The following AKAP6 variants were observed in gnomAD, a reference collection of about 807,000 sequenced individuals.
AKAP6 encodes A-kinase anchoring protein 6.
Under a neutral mutation model 188.5 loss-of-function variants are expected in AKAP6, and 58 were observed. The ratio of observed to expected loss-of-function variants is 0.31; its 90% confidence interval spans 0.25 to 0.38. AKAP6 has a LOEUF of 0.38. Ranked by LOEUF, AKAP6 falls within the 10% of genes least tolerant of loss-of-function variation. AKAP6 has a pLI of 1.00. For missense variants in AKAP6, 2,710 were observed against 2,740.0 expected, an observed-to-expected ratio of 0.99 and a Z score of 0.24; for synonymous variants, 989 against 998.6, an observed-to-expected ratio of 0.99 and a Z score of 0.18.
intron 1 of AKAP6, chr14:32,385,051 A>T (rs1359960823): frequency 1.3e-5 from 2 of 151,848 alleles, no homozygotes; most frequent in African/African-American, 4.8e-5. Flanking sequence ...AAAGCTCTAG[A>T]CTACTTTTTT....
rs1191398545 is a variant in AKAP6 at position 32,801,952 on chromosome 14, C to G, written c.3589-19450C>G. The stretch of plus-strand genomic sequence containing the variant: ...TTTTCTCTTTGTCTTTCATTTTCTA[C>G]AATTTGTGTATGATTTGCCTAAGCA... On this transcript the variant is annotated intron_variant, in intron 12 of 13. Transcript: ENST00000280979. Among the ~76,000 whole-genome samples, 3 of 152,096 alleles carry G rather than the reference C, an allele frequency of 2.0e-5. No individual in the cohort carries two copies. The East Asian group carries it at 5.8e-4, about 29-fold the overall frequency.
At chr14:32,598,557 A>G (rs745344311) in intron 5 of AKAP6, among the ~76,000 whole-genome samples, 5 of 152,188 alleles carry the variant, frequency 3.3e-5, no homozygotes, top group Middle Eastern at 3.2e-3. Flanking sequence ...TGTATGTGAC[A>G]TGAATTGGAG....
chr14:32,403,744 A>G (rs1056100546), intron 1 of AKAP6, among the ~76,000 whole-genome samples: 5 of 152,308 alleles, frequency 3.3e-5, no homozygotes, highest in African/African-American at 1.2e-4. Context: ...TTAACAGTAA[A>G]CATAATGTAA....
intron 2 of AKAP6, among the ~76,000 whole-genome samples, chr14:32,465,309 G>C (rs745776375): frequency 6.6e-6 from 1 of 152,084 alleles, no homozygotes; most frequent in Non-Finnish European, 1.5e-5. Context: ...GAACAAAGCT[G>C]TAGGCATGAT....
chr14:32,616,627 T>C (rs1180786396), intron 7 of AKAP6, among the ~76,000 whole-genome samples: 7 of 151,994 alleles, frequency 4.6e-5, no homozygotes, highest in Admixed American at 1.3e-4. Flanking sequence ...GGGAAAGCAT[T>C]AGGAAAAATA....
intron 1 of AKAP6, among the ~76,000 whole-genome samples, chr14:32,352,292 A>G (rs1370364477): frequency 1.3e-5 from 2 of 151,790 alleles, no homozygotes; most frequent in African/African-American, 4.8e-5. Flanking sequence ...TAATTGATAC[A>G]ATAATTATAC....
chr14:32,549,672 T>A (rs967225602), intron 4 of AKAP6, among the ~76,000 whole-genome samples: 4 of 152,228 alleles, frequency 2.6e-5, no homozygotes, highest in Non-Finnish European at 4.4e-5. Context: ...GGCTCTGTAC[T>A]AAGTATTTTA....
intron 1 of AKAP6, among the ~76,000 whole-genome samples, chr14:32,331,899 AT>A (rs1886545830): frequency 6.6e-6 from 1 of 152,144 alleles, no homozygotes. Context: ...TCACAAATAC[AT>A]TACAAAGTTA....
intron 5 of AKAP6, among the ~76,000 whole-genome samples, chr14:32,598,318 T>A (rs1885787597): frequency 6.6e-6 from 1 of 152,152 alleles, no homozygotes; most frequent in African/African-American, 2.4e-5. Context: ...CACACAGTAT[T>A]TCAAAATCCA....
intron 12 of AKAP6, among the ~76,000 whole-genome samples, chr14:32,782,836 A>G (rs933113431): frequency 6.6e-6 from 1 of 152,102 alleles, no homozygotes; most frequent in Non-Finnish European, 1.5e-5. Context: ...CCCCAAATTT[A>G]TCTATAGAAT....
In AKAP6 at chr14:32,540,964, A is replaced by G. The variant is rs1348237112; in HGVS notation, c.577-4266A>G. Among the ~76,000 whole-genome samples the G allele has an allele frequency of 3.3e-5, 5 of 152,074 alleles. No homozygotes were observed. The South Asian group carries it at 1.0e-3, about 32-fold the overall frequency. Reference sequence around the variant, plus strand: ...AAAGACTACAAATAGGGTGCAGTTTATACTGCTTGGGTGATGAGTGCACCA... The same window carrying G: ...AAAGACTACAAATAGGGTGCAGTTTGTACTGCTTGGGTGATGAGTGCACCA... On this transcript the variant is annotated intron_variant, in intron 3 of 13. Transcript: ENST00000280979.
chr14:32,757,072 C>T (rs1397808637), intron 11 of AKAP6, among the ~76,000 whole-genome samples: 1 of 152,146 alleles, frequency 6.6e-6, no homozygotes, highest in Non-Finnish European at 1.5e-5. Flanking sequence ...ATTCTCCTTG[C>T]CTCAAATGGT....
chr14:32,755,311 A>C (rs971865786), intron 11 of AKAP6, among the ~76,000 whole-genome samples: 2 of 150,652 alleles, frequency 1.3e-5, no homozygotes, highest in African/African-American at 4.9e-5. Context: ...TTTTTGGTTC[A>C]GTCATTATGT....
intron 2 of AKAP6, among the ~76,000 whole-genome samples, chr14:32,468,900 T>A (rs1878610884): frequency 6.6e-6 from 1 of 152,094 alleles, no homozygotes; most frequent in South Asian, 2.1e-4. Context: ...AGCATCTGTT[T>A]TAAGTGATTA....
intron 9 of AKAP6, among the ~76,000 whole-genome samples, chr14:32,698,027 G>C (rs2139703265): frequency 6.6e-6 from 1 of 152,144 alleles, no homozygotes; most frequent in East Asian, 1.9e-4. Flanking sequence ...TTTACATTTG[G>C]CTTATAAGCA....
At chr14:32,430,031 C>A (rs958956091) in intron 1 of AKAP6, among the ~76,000 whole-genome samples, 2 of 152,194 alleles carry the variant, frequency 1.3e-5, no homozygotes, top group Non-Finnish European at 2.9e-5. Context: ...ATTAACAACA[C>A]AAAACGTGTA....
rs149405150 is a variant in AKAP6, at chr14:32,821,940, C to T, written c.4127C>T (p.Thr1376Ile). The change falls in exon 13 of 14, where the codon ACC (threonine) becomes ATC (isoleucine). Residue 1376 changes from threonine to isoleucine, a missense_variant. Physicochemically the swap from Thr to Ile is moderately conservative, Grantham distance 89. This residue lies in a region of AKAP6 where 2,473 missense variants were observed against 2,426.1 expected (regional missense o/e 1.02). Coordinates refer to ENST00000280979, the MANE Select transcript of AKAP6 (RefSeq NM_004274.5). ...AGTGAAGGAGACACAGAAACCACTA[C>T]CAACTCTGAAATGTGCTTGCTCAAT... Reference protein sequence around the residue: ...IVSEGDTETTTNSEMCLLNAV... With the variant: ...IVSEGDTETTINSEMCLLNAV... The T allele has an allele frequency of 1.9e-6, 3 of 1,613,932 alleles. No individual in the cohort carries two copies. The African/African-American group carries it at 4.0e-5, about 22-fold the overall frequency.
intron 12 of AKAP6, among the ~76,000 whole-genome samples, chr14:32,786,502 T>G (rs2033426851): frequency 6.6e-6 from 1 of 151,452 alleles, no homozygotes; most frequent in Non-Finnish European, 1.5e-5. Context: ...ATTTTTTTAT[T>G]TTTAGTAGAG....
chr14:32,685,910 C>T (rs1303559885), intron 8 of AKAP6, among the ~76,000 whole-genome samples: 1 of 151,986 alleles, frequency 6.6e-6, no homozygotes, highest in Non-Finnish European at 1.5e-5. Context: ...ATAGGGCTAC[C>T]ATACAATCCA....
Sources: allele counts gnomAD v4.1 joint callset (sites outside exome capture counted in the v4.1 genomes callset), GRCh38; gene constraint gnomAD v4.1.1; regional missense constraint gnomAD v4.1.1; transcripts MANE v1.5; gene names NCBI Gene and HGNC (gene_info 2026-07-23, HGNC 2026-07-21).